HSD17B12: variants seen among roughly 807,000 people sequenced by gnomAD.
HSD17B12 encodes hydroxysteroid 17-beta dehydrogenase 12.
A neutral mutation model predicts 39.3 loss-of-function variants in HSD17B12; 32 were observed. The ratio of observed to expected loss-of-function variants is 0.81; its 90% CI spans 0.61 to 1.09. The LOEUF (loss-of-function observed/expected upper bound fraction) is 1.09. Among genes scored for constraint, HSD17B12 ranks in the 50% least tolerant of loss-of-function variants. The pLI is 0.00. For missense variants in HSD17B12, 342 were observed against 382.9 expected, an observed-to-expected ratio of 0.89 and a Z score of 0.89; for synonymous variants, 150 against 146.7, an observed-to-expected ratio of 1.02 and a Z score of -0.16.
intron 3 of HSD17B12, among the ~76,000 whole-genome samples, chr11:43,776,747 T>G (rs1305070014): frequency 6.6e-6 from 1 of 152,168 alleles, no homozygotes; most frequent in Non-Finnish European, 1.5e-5. Flanking sequence ...AGGTCTAACG[T>G]TTAAGTCTTT....
intron 1 of HSD17B12, among the ~76,000 whole-genome samples, chr11:43,696,139 G>T (rs1949909439): frequency 6.6e-6 from 1 of 152,082 alleles, no homozygotes; most frequent in South Asian, 2.1e-4. Flanking sequence ...AAAGATAATG[G>T]CCTCTAGTTC....
At chr11:43,657,379 T>C in the HSD17B12 span, among the ~76,000 whole-genome samples, 2 of 152,240 alleles carry the variant, frequency 1.3e-5, no homozygotes, top group Non-Finnish European at 2.9e-5. Context: ...TGCCTTTTAA[T>C]TGGAGCATTT....
intron 1 of HSD17B12, among the ~76,000 whole-genome samples, chr11:43,682,068 T>A (rs1949751457): frequency 6.6e-6 from 1 of 152,200 alleles, no homozygotes; most frequent in Non-Finnish European, 1.5e-5. Flanking sequence ...ACACTAATAA[T>A]GTTACTCCAT....
chr11:43,745,350 T>G (rs542890112), intron 1 of HSD17B12, among the ~76,000 whole-genome samples: 28 of 152,334 alleles, frequency 1.8e-4, no homozygotes, highest in African/African-American at 6.7e-4. Flanking sequence ...TGAGTGACTT[T>G]ATGTAGTTTC....
At chr11:43,592,636 C>A in the HSD17B12 span, among the ~76,000 whole-genome samples, 3 of 152,124 alleles carry the variant, frequency 2.0e-5, no homozygotes, top group Non-Finnish European at 2.9e-5. Flanking sequence ...TGCATACATC[C>A]TTTTCCCTGC....
At position 43,831,112 on chromosome 11, in the gene HSD17B12, C is replaced by A; in HGVS notation, c.536+102C>A. 2.8e-6 allele frequency: 3 copies of A among 1,079,594 alleles called. No homozygotes were observed. Among genetic ancestry groups the A allele is most frequent in the Non-Finnish European group, 4.1e-6 (3 of 734,516 alleles). The allele number at this position is 1,079,594 out of a possible 1,614,324, so 66.9% of individuals were successfully genotyped here. On this transcript the variant is annotated intron_variant, in intron 7 of 10. Coordinates refer to ENST00000278353, the MANE Select transcript of HSD17B12 (RefSeq NM_016142.3). The surrounding 1 kb of genome is among the most constrained non-coding windows in gnomAD (Gnocchi z 4.1). ...AAAATCACTGAAGTGACTAATGAAC[C>A]AAGCCTCCATGTCTTAGCCACAGAG...
chr11:43,771,903 T>C (rs754410754), intron 3 of HSD17B12, among the ~76,000 whole-genome samples: 4 of 152,230 alleles, frequency 2.6e-5, no homozygotes, highest in Non-Finnish European at 5.9e-5. Flanking sequence ...CACCTTTGTT[T>C]CTTCTATAAA....
intron 1 of HSD17B12, among the ~76,000 whole-genome samples, chr11:43,705,633 ACT>A (rs1950005742): frequency 6.6e-6 from 1 of 151,960 alleles, no homozygotes. Context: ...TATCATCTTA[ACT>A]CTGCCATTTT....
chr11:43,650,370 G>T, the HSD17B12 span, among the ~76,000 whole-genome samples: 6 of 152,110 alleles, frequency 3.9e-5, no homozygotes, highest in African/African-American at 1.4e-4. Flanking sequence ...GAAAAGGTAC[G>T]CTCAAACTCA....
chr11:43,687,108 A>T (rs1590659316), intron 1 of HSD17B12, among the ~76,000 whole-genome samples: 1 of 152,374 alleles, frequency 6.6e-6, no homozygotes. Flanking sequence ...GTGCCATTAA[A>T]AGCTATTTGT....
chr11:43,850,204 T>G (rs1951517036), intron 9 of HSD17B12, among the ~76,000 whole-genome samples: 1 of 152,234 alleles, frequency 6.6e-6, no homozygotes, highest in Admixed American at 6.5e-5. Flanking sequence ...CAAGGGCCTT[T>G]ATATGGAAAA....
the HSD17B12 span, chr11:43,673,492 CTTTTTT>C: frequency 0.016 from 1,328 of 83,904 alleles, 7 homozygotes; most frequent in South Asian, 0.035. Flanking sequence ...CTTTTCTTTT[CTTTTTT>C]TTTTTTTTTT....
chr11:43,811,085 C>T (rs1440590569), intron 4 of HSD17B12, among the ~76,000 whole-genome samples: 1 of 152,180 alleles, frequency 6.6e-6, no homozygotes, highest in Admixed American at 6.5e-5. Flanking sequence ...TTCACTCCTA[C>T]TCAAAGCCTG....
the HSD17B12 span, among the ~76,000 whole-genome samples, chr11:43,654,540 A>T: frequency 6.6e-6 from 1 of 151,976 alleles, no homozygotes; most frequent in Non-Finnish European, 1.5e-5. Context: ...TCTAACATGT[A>T]AGTCTTTAAT....
At chr11:43,631,348 A>G in the HSD17B12 span, among the ~76,000 whole-genome samples, 1 of 152,156 alleles carries the variant, frequency 6.6e-6, no homozygotes, top group Non-Finnish European at 1.5e-5. Flanking sequence ...ATAGTAAAGG[A>G]TCTTCCAAAC....
At chr11:43,750,382 TTTA>T (rs1174623461) in intron 1 of HSD17B12, among the ~76,000 whole-genome samples, 1 of 152,196 alleles carries the variant, frequency 6.6e-6, no homozygotes, top group African/African-American at 2.4e-5. Context: ...TAGTTCTTTT[TTTA>T]TTTTCTTTTT....
At chr11:43,665,666 C>T in the HSD17B12 span, among the ~76,000 whole-genome samples, 1 of 152,204 alleles carries the variant, frequency 6.6e-6, no homozygotes, top group East Asian at 1.9e-4. Flanking sequence ...GGTAAGCTAA[C>T]TAAATACCAG....
chr11:43,630,126 G>T, the HSD17B12 span, among the ~76,000 whole-genome samples: 1 of 152,090 alleles, frequency 6.6e-6, no homozygotes, highest in Non-Finnish European at 1.5e-5. Flanking sequence ...GGCCTACAGG[G>T]TTCCTTATAC....
At chr11:43,755,999 G>A (rs1409820454) in intron 3 of HSD17B12, among the ~76,000 whole-genome samples, 1 of 152,102 alleles carries the variant, frequency 6.6e-6, no homozygotes, top group Non-Finnish European at 1.5e-5. Context: ...AGTGAAAGAG[G>A]TTTCCCCTAT....
Sources: allele counts gnomAD v4.1 joint callset (sites outside exome capture counted in the v4.1 genomes callset), GRCh38; gene constraint gnomAD v4.1.1; non-coding constraint Gnocchi (gnomAD v3.1); transcripts MANE v1.5; gene names NCBI Gene and HGNC (gene_info 2026-07-23, HGNC 2026-07-21).